The following TMEM223 variants were observed in gnomAD, a reference collection of about 807,000 sequenced individuals.
The protein encoded by TMEM223 is transmembrane protein 223.
Under a neutral mutation model 14.1 loss-of-function variants are expected in TMEM223, and 14 were observed. The ratio of observed to expected loss-of-function variants is 0.99; its 90% CI spans 0.66 to 1.55. TMEM223 has a LOEUF of 1.55. Among genes scored for constraint, TMEM223 ranks in the 40% most tolerant of loss-of-function variants. The probability of loss-of-function intolerance (pLI) is 0.00; values close to 1 mark genes in which losing one functional copy is unlikely to be tolerated. For synonymous variants in TMEM223, 145 were observed against 120.5 expected (o/e 1.20, Z -1.33); for missense variants, 346 against 269.9 (o/e 1.28, Z -1.97).
At chr11:62,783,297 A>G (rs933958491), downstream of TMEM223, among the ~76,000 whole-genome samples, 2 of 152,056 alleles carry the variant, frequency 1.3e-5, no homozygotes, top group African/African-American at 4.8e-5. Context: ...CCTGGCTAAC[A>G]CGGTGAAACC....
intron 1 of TMEM223, chr11:62,778,693 G>C (rs1163631943): frequency 1.6e-6 from 1 of 635,976 alleles, no homozygotes; most frequent in Non-Finnish European, 2.8e-6. Flanking sequence ...GAGGTGTGCA[G>C]AGCCTAGATG....
chr11:62,785,278 G>A (rs1243517725), downstream of TMEM223, among the ~76,000 whole-genome samples: 5 of 151,278 alleles, frequency 3.3e-5, no homozygotes, highest in Non-Finnish European at 5.9e-5. Context: ...TGCAACCTCT[G>A]CCTCCTGGGT....
rs1565195680 is a variant in TMEM223 at position 62,791,943 on chromosome 11, G to T, written c.52C>A (p.Pro18Thr). The T allele has an allele frequency of 6.3e-7, 1 of 1,590,144 alleles. No individual in the cohort carries two copies. The highest frequency in any genetic ancestry group is 1.1e-5 in the South Asian group (1 of 88,242). Residue 18 changes from proline to threonine, a missense_variant, in exon 1 of 2, where the codon CCC becomes ACC. Physicochemically the swap from Pro to Thr is conservative, Grantham distance 38 (BLOSUM62 -1). Transcript: ENST00000307366. Reference sequence around the variant, plus strand: ...TGCAGGGGCCGGCAGGTGAGCAGGGGCCGCAGCACGGCTAGCAGCCCCGTG... The same window carrying T: ...TGCAGGGGCCGGCAGGTGAGCAGGGTCCGCAGCACGGCTAGCAGCCCCGTG... ...WPTGLLAVLR[P>T]LLTCRPLQGT... is the part of the protein sequence containing the mutation.
chr11:62,786,947 G>A, downstream of TMEM223: 1 of 1,456,264 alleles, frequency 6.9e-7, no homozygotes, highest in South Asian at 1.4e-5. Flanking sequence ...GGCAGCGGCG[G>A]AGGCGGCCCC....
chr11:62,787,280 T>G (rs778532762), downstream of TMEM223: 1 of 1,547,222 alleles, frequency 6.5e-7, no homozygotes, highest in Non-Finnish European at 8.7e-7. Context: ...GACTACTCGC[T>G]GTACTTGCCG....
At chr11:62,781,812 T>A in intron 1 of TMEM223, 1 of 1,148,002 alleles carries the variant, frequency 8.7e-7, no homozygotes, top group Non-Finnish European at 1.3e-6. Flanking sequence ...AATAAGGTGA[T>A]ACACTGTCTT....
At chr11:62,780,936 CAA>C (rs1302371766) in intron 1 of TMEM223, among the ~76,000 whole-genome samples, 22 of 52,224 alleles carry the variant, frequency 4.2e-4, no homozygotes, top group Admixed American at 4.8e-4. Context: ...GACTCCATCT[CAA>C]AAAAAAAAAA....
downstream of TMEM223, among the ~76,000 whole-genome samples, chr11:62,783,093 C>T (rs2084242275): frequency 6.6e-6 from 1 of 152,164 alleles, no homozygotes; most frequent in Non-Finnish European, 1.5e-5. Flanking sequence ...CCTTCAATTC[C>T]TGTTGTATTG....
At chr11:62,782,706 C>G (rs1002439374), downstream of TMEM223, 12 of 1,612,238 alleles carry the variant, frequency 7.4e-6, no homozygotes, top group Non-Finnish European at 1.0e-5. Context: ...TCATGGGGAC[C>G]TTGTAAGTGG....
At chr11:62,783,056 C>T (rs1006207278), downstream of TMEM223, among the ~76,000 whole-genome samples, 1 of 152,116 alleles carries the variant, frequency 6.6e-6, no homozygotes, top group African/African-American at 2.4e-5. Flanking sequence ...AATTCCTGCC[C>T]GTTCTATATT....
chr11:62,775,380 A>G (rs1318330045), intron 1 of TMEM223, among the ~76,000 whole-genome samples: 1 of 152,160 alleles, frequency 6.6e-6, no homozygotes, highest in Non-Finnish European at 1.5e-5. Flanking sequence ...TTGTGCGGGG[A>G]CACAGCCAAA....
At chr11:62,787,981 C>T, downstream of TMEM223, 1 of 466,670 alleles carries the variant, frequency 2.1e-6, no homozygotes, top group South Asian at 1.5e-5. Flanking sequence ...ATGGAGAAAA[C>T]GCTGACGTAA....
downstream of TMEM223, chr11:62,787,946 AGT>A (rs1271265654): frequency 1.4e-5 from 7 of 485,358 alleles, no homozygotes; most frequent in South Asian, 6.2e-5. Context: ...ATTGTAGCAC[AGT>A]GTGTTAAATG....
At chr11:62,787,070 A>C, downstream of TMEM223, 1 of 1,529,702 alleles carries the variant, frequency 6.5e-7, no homozygotes, top group African/African-American at 1.4e-5. Flanking sequence ...GACGTTTTCC[A>C]GAAGAGCCGT....
chr11:62,785,589 C>T (rs999615922), downstream of TMEM223, among the ~76,000 whole-genome samples: 32 of 149,756 alleles, frequency 2.1e-4, 1 homozygote, highest in African/African-American at 4.7e-4. Context: ...GGGTGGAGTG[C>T]GGTGGTGTGA....
chr11:62,783,021 G>C (rs1171450258), downstream of TMEM223, among the ~76,000 whole-genome samples: 1 of 152,220 alleles, frequency 6.6e-6, no homozygotes, highest in African/African-American at 2.4e-5. Flanking sequence ...CTATATGGCA[G>C]ATACTGATGT....
downstream of TMEM223, chr11:62,786,662 A>C (rs1335874214): frequency 3.7e-6 from 6 of 1,611,338 alleles, no homozygotes; most frequent in Non-Finnish European, 5.1e-6. Context: ...GGCGGTGCAG[A>C]ACCCAGCTTT....
chr11:62,784,781 G>A (rs1400307043), downstream of TMEM223, among the ~76,000 whole-genome samples: 5 of 152,080 alleles, frequency 3.3e-5, no homozygotes, highest in East Asian at 1.9e-4. Context: ...TGGGATAGTC[G>A]TAAAGAAAAA....
chr11:62,774,260 T>C (rs577733584), intron 2 of TMEM223, among the ~76,000 whole-genome samples: 16 of 152,206 alleles, frequency 1.1e-4, no homozygotes, highest in Admixed American at 3.3e-4. Flanking sequence ...GTATTTTTAG[T>C]AGAGATGGGG....
Sources: allele counts gnomAD v4.1 joint callset (sites outside exome capture counted in the v4.1 genomes callset), GRCh38; gene constraint gnomAD v4.1.1; transcripts MANE v1.5; gene names NCBI Gene and HGNC (gene_info 2026-07-23, HGNC 2026-07-21).